Variants in SORCS1 observed in about 807,000 individuals in gnomAD.
SORCS1 encodes the protein VPS10 domain-containing receptor SorCS1.
SORCS1 carries 60 observed loss-of-function variants against 146.1 expected under a neutral mutation model. The observed-to-expected ratio is 0.41, with a 90% CI of 0.33 to 0.51. The LOEUF is 0.51. Among genes scored for constraint, SORCS1 ranks in the 20% least tolerant of loss-of-function variants. SORCS1 has a pLI of 0.21. For missense variants in SORCS1, 1,352 were observed against 1,487.6 expected (o/e 0.91, Z 1.50); for synonymous variants, 637 against 584.0 (o/e 1.09, Z -1.31).
chr10:106,642,773 A>C (rs1302262650), intron 18 of SORCS1, among the ~76,000 whole-genome samples: 3 of 152,146 alleles, frequency 2.0e-5, no homozygotes, highest in Non-Finnish European at 4.4e-5. Flanking sequence ...CAAAGGCATC[A>C]TTTTCCAAAG....
rs572408109 is a variant in SORCS1 at position 106,708,663 on chromosome 10, G to A, written c.1143+560C>T. Among the ~76,000 whole-genome samples the A allele has an allele frequency of 2.0e-5, 3 of 152,222 alleles. No homozygotes were observed. In the East Asian group the frequency reaches 5.8e-4, roughly 29 times the overall value. ...GTGAAAAACCTGGCTGAATACATCT[G>A]CTCTGAAGTGTCTTTATTCTAATCA... is the stretch of plus-strand genomic sequence containing the variant. On this transcript the variant is annotated intron_variant, in intron 7 of 25. Transcript: ENST00000263054.
chr10:106,668,538 T>G (rs1297734644), intron 16 of SORCS1, among the ~76,000 whole-genome samples: 2 of 152,146 alleles, frequency 1.3e-5, no homozygotes, highest in Non-Finnish European at 2.9e-5. Flanking sequence ...GCACAGAGAA[T>G]GACAACAAAT....
intron 7 of SORCS1, among the ~76,000 whole-genome samples, chr10:106,708,228 C>G (rs923418235): frequency 3.3e-5 from 5 of 150,714 alleles, no homozygotes; most frequent in African/African-American, 1.2e-4. Flanking sequence ...ACTAATTTCC[C>G]TGAAGAATAA....
chr10:107,060,586 T>G lies in SORCS1; in HGVS notation c.558+103383A>C, dbSNP rs1221524446. On this transcript the variant is annotated intron_variant, in intron 1 of 25. Transcript: ENST00000263054. This position sits in a 1 kb window ranked among gnomAD's most constrained non-coding sequence, Gnocchi z 4.1. ...TTCCTTGGGATCAAAGTCATTTTTC[T>G]GTGCTCAGGAAAAGGAGCTGCCCAA... Among the ~76,000 whole-genome samples, 2 of 152,182 alleles carry G rather than the reference T, an allele frequency of 1.3e-5. No homozygotes were observed. Among genetic ancestry groups the G allele is most frequent in the Non-Finnish European group, 1.5e-5 (1 of 68,034 alleles).
At position 106,577,358 on chromosome 10, in the gene SORCS1, A is replaced by G. The variant is rs1844629456; in HGVS notation, c.*62T>C. 6.2e-7 allele frequency: 1 copy of G among 1,612,634 alleles called. No homozygotes were observed. The highest frequency in any genetic ancestry group is 1.3e-5 in the African/African-American group (1 of 74,852). The stretch of plus-strand genomic sequence containing the variant: ...AGTTAGTGGTCATGAAGGATGATGT[A>G]CTTGACAAGAGCGAAATTCTTTCCT... On this transcript the variant is annotated 3_prime_UTR_variant, in exon 26 of 26. Transcript: ENST00000263054.
intron 1 of SORCS1, among the ~76,000 whole-genome samples, chr10:107,078,447 C>T (rs758912131): frequency 6.6e-6 from 1 of 152,184 alleles, no homozygotes; most frequent in Non-Finnish European, 1.5e-5. Flanking sequence ...ATTATAGGAT[C>T]GGGACTTTGC....
In SORCS1 at chr10:106,630,197, C is replaced by T. The variant is rs141406829; in HGVS notation, c.2476-809G>A. Among the ~76,000 whole-genome samples, 19 of 152,284 alleles carry T rather than the reference C, an allele frequency of 1.2e-4. No individual in the cohort carries two copies. The East Asian group carries it at 1.5e-3, about 12-fold the overall frequency. Reference sequence around the variant, plus strand: ...TTCCCTAATTGTATCATAGGAAGGACGGAAGACACTTTGCCTGATATCTGA... The same window carrying T: ...TTCCCTAATTGTATCATAGGAAGGATGGAAGACACTTTGCCTGATATCTGA... On this transcript the variant is annotated intron_variant, in intron 18 of 25. Transcript: ENST00000263054.
intron 1 of SORCS1, among the ~76,000 whole-genome samples, chr10:107,101,051 C>T (rs1337133153): frequency 6.6e-6 from 1 of 151,992 alleles, no homozygotes; most frequent in African/African-American, 2.4e-5. Context: ...TGCACCACCA[C>T]ACTTAGCTAT....
intron 19 of SORCS1, among the ~76,000 whole-genome samples, chr10:106,624,984 T>C (rs1347776342): frequency 6.6e-6 from 1 of 152,200 alleles, no homozygotes; most frequent in African/African-American, 2.4e-5. Flanking sequence ...TTAAGTAGGA[T>C]GCTGAACTGG....
Position 107,164,501 on chromosome 10 carries a change from C to A in SORCS1, c.26G>T (p.Gly9Val). 1 of 1,348,730 alleles carries A rather than the reference C, an allele frequency of 7.4e-7. No individual in the cohort carries two copies. The highest frequency in any genetic ancestry group is 9.5e-7 in the Non-Finnish European group (1 of 1,057,346). 83.5% of individuals were successfully genotyped at this position (1,348,730 alleles called of 1,614,324 possible). A position where few individuals can be genotyped will look rare whatever the true frequency, so the allele number is the denominator to read the frequency against. ...GAGCGCGCTCAGCCGGGCTTGGGAG[C>A]CGCCGCCGGCGCCAACTTTTCCCAT... is the stretch of plus-strand genomic sequence containing the variant. MGKVGAGG[G>V]SQARLSALLA... The change falls in exon 1 of 26, where the codon GGC (glycine) becomes GTC (valine). Residue 9 changes from glycine (G) to valine (V), a missense_variant. Gly to Val is a moderately radical substitution (Grantham distance 109). Transcript: ENST00000263054. The surrounding 1 kb of genome is among the most constrained non-coding windows in gnomAD (Gnocchi z 6.8).
intron 1 of SORCS1, among the ~76,000 whole-genome samples, chr10:107,124,953 CT>C (rs577523339): frequency 0.14 from 17,202 of 121,372 alleles, 1,504 homozygotes; most frequent in African/African-American, 0.35. Flanking sequence ...TTTTCTTTTT[CT>C]TTTTTTTTTT....
At chr10:106,862,688 G>A (rs1950061188) in intron 2 of SORCS1, among the ~76,000 whole-genome samples, 1 of 141,962 alleles carries the variant, frequency 7.0e-6, no homozygotes, top group Non-Finnish European at 1.5e-5. Context: ...GCTCGCGCCT[G>A]TAATCCCAGC....
intron 1 of SORCS1, among the ~76,000 whole-genome samples, chr10:107,000,945 G>A (rs148410502): frequency 6.6e-6 from 1 of 151,952 alleles, no homozygotes. Context: ...AATAGTGGGA[G>A]ATTTAATAGA....
chr10:106,743,674 C>G (rs997792837), intron 5 of SORCS1, among the ~76,000 whole-genome samples: 1 of 152,156 alleles, frequency 6.6e-6, no homozygotes, highest in African/African-American at 2.4e-5. Flanking sequence ...ATCCACCCAC[C>G]TTGGCCTCCT....
At chr10:106,884,127 CTTCT>C (rs1423382981) in intron 2 of SORCS1, among the ~76,000 whole-genome samples, 2 of 152,096 alleles carry the variant, frequency 1.3e-5, no homozygotes, top group East Asian at 1.9e-4. Flanking sequence ...TTCCTCTCTC[CTTCT>C]TTCTTTCTCT....
intron 1 of SORCS1, among the ~76,000 whole-genome samples, chr10:107,050,614 T>C (rs530776317): frequency 4.5e-4 from 69 of 152,296 alleles, no homozygotes; most frequent in African/African-American, 1.7e-3. Flanking sequence ...CTGTATAGAA[T>C]TTAATATGCC....
At chr10:107,049,420 A>C (rs945391208) in intron 1 of SORCS1, among the ~76,000 whole-genome samples, 1 of 151,750 alleles carries the variant, frequency 6.6e-6, no homozygotes, top group Non-Finnish European at 1.5e-5. Flanking sequence ...AAGGTATAAT[A>C]AAAAAAATAC....
chr10:106,764,519 C>A (rs1215454070), intron 4 of SORCS1, among the ~76,000 whole-genome samples: 1 of 152,184 alleles, frequency 6.6e-6, no homozygotes. Flanking sequence ...CCCTCCCTGT[C>A]TGTCTCTGAC....
intron 3 of SORCS1, among the ~76,000 whole-genome samples, chr10:106,795,796 G>T (rs1338009002): frequency 6.6e-6 from 1 of 152,206 alleles, no homozygotes; most frequent in Non-Finnish European, 1.5e-5. Context: ...CAACCTCTAA[G>T]AGACAGCAGG....
Sources: allele counts gnomAD v4.1 joint callset (sites outside exome capture counted in the v4.1 genomes callset), GRCh38; gene constraint gnomAD v4.1.1; non-coding constraint Gnocchi (gnomAD v3.1); transcripts MANE v1.5; gene names NCBI Gene and HGNC (gene_info 2026-07-23, HGNC 2026-07-21).